ALCAM: variants seen among roughly 807,000 people sequenced by gnomAD.
The protein encoded by ALCAM is CD166 antigen.
Under a neutral mutation model 70.9 loss-of-function variants are expected in ALCAM, and 30 were observed. The observed-to-expected ratio is 0.42, with a 90% CI of 0.32 to 0.57. The LOEUF (loss-of-function observed/expected upper bound fraction) is 0.57. Among genes scored for constraint, ALCAM ranks in the 20% least tolerant of loss-of-function variants. The probability of loss-of-function intolerance (pLI) is 0.11; values close to 1 mark genes in which losing one functional copy is unlikely to be tolerated. For synonymous variants in ALCAM, 249 were observed against 242.5 expected, an observed-to-expected ratio of 1.03 and a Z score of -0.25; for missense variants, 591 against 695.1, an observed-to-expected ratio of 0.85 and a Z score of 1.68.
chr3:105,424,940 T>C (rs1355374544), intron 1 of ALCAM, among the ~76,000 whole-genome samples: 1 of 151,790 alleles, frequency 6.6e-6, no homozygotes, highest in African/African-American at 2.4e-5. Flanking sequence ...GTGTCTGCCC[T>C]TGTGTTTAGC....
intron 1 of ALCAM, among the ~76,000 whole-genome samples, chr3:105,375,596 A>T (rs1935354164): frequency 1.3e-5 from 2 of 152,266 alleles, no homozygotes; most frequent in South Asian, 4.1e-4. Flanking sequence ...ATGCCAAGGG[A>T]ATAATTTTGT....
At chr3:105,571,510 C>G (rs1940860300) in intron 14 of ALCAM, among the ~76,000 whole-genome samples, 1 of 152,124 alleles carries the variant, frequency 6.6e-6, no homozygotes, top group African/African-American at 2.4e-5. Flanking sequence ...AGAAAATTCG[C>G]TTAGAACAAA....
At chr3:105,508,752 T>A (rs1167620549) in intron 1 of ALCAM, among the ~76,000 whole-genome samples, 3 of 152,076 alleles carry the variant, frequency 2.0e-5, no homozygotes, top group African/African-American at 7.2e-5. Flanking sequence ...TGAAATCCAC[T>A]CTCTTAGAAA....
At chr3:105,434,044 A>T (rs1406656029) in intron 1 of ALCAM, among the ~76,000 whole-genome samples, 4 of 152,174 alleles carry the variant, frequency 2.6e-5, no homozygotes, top group Admixed American at 2.6e-4. Context: ...GGGCTTAATT[A>T]TAAGACTGGT....
intron 1 of ALCAM, among the ~76,000 whole-genome samples, chr3:105,381,897 G>A (rs1935531487): frequency 6.7e-6 from 1 of 150,166 alleles, no homozygotes; most frequent in African/African-American, 2.4e-5. Flanking sequence ...TTTTTTTATT[G>A]TCATATTTTA....
intron 1 of ALCAM, among the ~76,000 whole-genome samples, chr3:105,376,389 A>C (rs1935379219): frequency 6.6e-6 from 1 of 152,212 alleles, no homozygotes; most frequent in Admixed American, 6.5e-5. Context: ...TTTGACCTGT[A>C]AAGAACCTAA....
intron 2 of ALCAM, among the ~76,000 whole-genome samples, chr3:105,521,777 G>C (rs544548972): frequency 6.6e-6 from 1 of 152,186 alleles, no homozygotes; most frequent in African/African-American, 2.4e-5. Context: ...TACTATGCTC[G>C]TGTGAGTGGG....
chr3:105,534,941 A>G, intron 6 of ALCAM, 96 bp downstream of exon 6: 2 of 1,237,092 alleles, frequency 1.6e-6, no homozygotes, highest in Non-Finnish European at 2.2e-6. Flanking sequence ...TACTCTTTGA[A>G]TTCTGCTTCC....
rs569538266 is a variant in ALCAM at position 105,477,941 on chromosome 3, A to C, written c.74-42126A>C. 2.0e-5 allele frequency among the ~76,000 whole-genome samples: 3 copies of C among 148,654 alleles called. No individual in the cohort carries two copies. In the South Asian group the frequency reaches 6.2e-4, roughly 31 times the overall value. The stretch of plus-strand genomic sequence containing the variant: ...TATAATTTCCATTTCTCAGTAATAT[A>C]TCTTCTGTATTAATTCATTATAAGC... On this transcript the variant is annotated intron_variant, in intron 1 of 15. Transcript: ENST00000306107.
chr3:105,451,152 T>C (rs1285314600), intron 1 of ALCAM, among the ~76,000 whole-genome samples: 2 of 151,938 alleles, frequency 1.3e-5, no homozygotes, highest in Non-Finnish European at 2.9e-5. Context: ...TAATTTCAGC[T>C]ACTTGGAAGG....
intron 1 of ALCAM, among the ~76,000 whole-genome samples, chr3:105,402,860 C>T (rs973659324): frequency 6.6e-6 from 1 of 151,902 alleles, no homozygotes; most frequent in Non-Finnish European, 1.5e-5. Context: ...CCCTGCCCAC[C>T]GTCTGAGAAA....
chr3:105,540,242 T>G, intron 7 of ALCAM, 140 bp downstream of exon 7: 1 of 818,600 alleles, frequency 1.2e-6, no homozygotes, highest in Non-Finnish European at 1.8e-6. Flanking sequence ...TGGAAGCTTT[T>G]TCTGCACCTG....
At chr3:105,485,427 GAA>G (rs1347039129) in intron 1 of ALCAM, among the ~76,000 whole-genome samples, 13 of 151,964 alleles carry the variant, frequency 8.6e-5, no homozygotes, top group South Asian at 2.1e-4. Flanking sequence ...GTGACAGAGA[GAA>G]AGAGTCCACT....
chr3:105,422,409 T>C (rs977524369), intron 1 of ALCAM, among the ~76,000 whole-genome samples: 1 of 150,986 alleles, frequency 6.6e-6, no homozygotes, highest in African/African-American at 2.4e-5. Context: ...CAGGCAGAAA[T>C]TTTTTTTTAC....
At chr3:105,497,220 G>A (rs989945393) in intron 1 of ALCAM, among the ~76,000 whole-genome samples, 1 of 152,128 alleles carries the variant, frequency 6.6e-6, no homozygotes, top group African/African-American at 2.4e-5. Context: ...AGAATATACT[G>A]AAGACAAGAA....
chr3:105,452,591 G>T (rs1010190776), intron 1 of ALCAM, among the ~76,000 whole-genome samples: 10 of 152,184 alleles, frequency 6.6e-5, no homozygotes, highest in African/African-American at 2.4e-4. Context: ...TATATACCCA[G>T]TAATGGGATT....
chr3:105,483,965 C>A (rs1047229474), intron 1 of ALCAM, among the ~76,000 whole-genome samples: 2 of 152,024 alleles, frequency 1.3e-5, no homozygotes, highest in African/African-American at 4.8e-5. Flanking sequence ...TGTTCTTAGA[C>A]AAGTCTTTTA....
intron 1 of ALCAM, among the ~76,000 whole-genome samples, chr3:105,451,667 T>C (rs1325090833): frequency 6.6e-6 from 1 of 152,158 alleles, no homozygotes; most frequent in African/African-American, 2.4e-5. Context: ...AACATAACAA[T>C]TGAAAACTTT....
rs1041984008 is a variant in ALCAM, at chr3:105,574,605, A to G, written c.*154A>G. On this transcript the variant is annotated 3_prime_UTR_variant, in exon 16 of 16. Transcript: ENST00000306107. Reference sequence around the variant, plus strand: ...TTCTACCAAGCTGTCACAGGTTTTCAGAGAATTATCTCAAGTAAAACAAAT... The same window carrying G: ...TTCTACCAAGCTGTCACAGGTTTTCGGAGAATTATCTCAAGTAAAACAAAT... 2 of 152,652 alleles carry G rather than the reference A, an allele frequency of 1.3e-5. No individual in the cohort carries two copies. The allele number at this position is 152,652 out of a possible 1,614,324, so 9.5% of individuals were successfully genotyped here.
Sources: allele counts gnomAD v4.1 joint callset (sites outside exome capture counted in the v4.1 genomes callset), GRCh38; gene constraint gnomAD v4.1.1; transcripts MANE v1.5; gene names NCBI Gene and HGNC (gene_info 2026-07-23, HGNC 2026-07-21).